The following FAF1 variants were observed in gnomAD, a reference collection of about 807,000 sequenced individuals.
The protein encoded by FAF1 is Fas associated factor 1, also known as FAS-associated factor 1.
In FAF1, 25 loss-of-function variants were observed where a neutral mutation model predicts 92.5. That is an observed-to-expected ratio of 0.27 (90% CI 0.20 to 0.38). The LOEUF is 0.38. Ranked by LOEUF, FAF1 falls within the 10% of genes least tolerant of loss-of-function variation. The probability of loss-of-function intolerance (pLI) is 1.00; values close to 1 mark genes in which losing one functional copy is unlikely to be tolerated. For missense variants in FAF1, 636 were observed against 793.3 expected (o/e 0.80, Z 2.38); for synonymous variants, 234 against 273.2 (o/e 0.86, Z 1.42).
At chr1:50,775,090 A>G (rs2124552194) in intron 4 of FAF1, among the ~76,000 whole-genome samples, 2 of 152,264 alleles carry the variant, frequency 1.3e-5, no homozygotes, top group Admixed American at 1.3e-4. Flanking sequence ...ATTTATATGT[A>G]TACAGCTACA....
intron 10 of FAF1, among the ~76,000 whole-genome samples, chr1:50,584,194 A>G (rs979843519): frequency 1.1e-4 from 16 of 152,068 alleles, no homozygotes; most frequent in Admixed American, 6.5e-5. Context: ...TTTAGTGGTC[A>G]TTTTGCACGT....
intron 6 of FAF1, among the ~76,000 whole-genome samples, chr1:50,710,278 T>C (rs1489333760): frequency 6.6e-6 from 1 of 152,202 alleles, no homozygotes; most frequent in African/African-American, 2.4e-5. Flanking sequence ...CAGGACCAGT[T>C]TGACTGCCAG....
chr1:50,693,559 T>C (rs1050473966), intron 7 of FAF1, among the ~76,000 whole-genome samples: 11 of 152,158 alleles, frequency 7.2e-5, no homozygotes, highest in Non-Finnish European at 2.9e-5. Flanking sequence ...TATATATAAT[T>C]TACTTTTACA....
Position 50,956,569 on chromosome 1 carries a change from G to C in FAF1, c.45+3198C>G, listed in dbSNP as rs1219096898. On this transcript the variant is annotated intron_variant, in intron 1 of 18. Transcript: ENST00000396153. ...ATGTAATTTTACCATATTCACTTTTGGTGAGGAAACTGATTTGCCCAGTTA... is the reference window on the plus strand; with the variant it reads ...ATGTAATTTTACCATATTCACTTTTCGTGAGGAAACTGATTTGCCCAGTTA... Among the ~76,000 whole-genome samples the C allele has an allele frequency of 2.0e-5, 3 of 152,016 alleles. No individual in the cohort carries two copies. In the East Asian group the frequency reaches 5.8e-4, roughly 29 times the overall value.
intron 7 of FAF1, among the ~76,000 whole-genome samples, chr1:50,698,663 T>G (rs1479537126): frequency 6.6e-6 from 1 of 152,158 alleles, no homozygotes; most frequent in Non-Finnish European, 1.5e-5. Flanking sequence ...CATTAATGCC[T>G]CATTACTTAC....
chr1:50,715,592 C>A (rs889904700), intron 6 of FAF1, among the ~76,000 whole-genome samples: 15 of 152,302 alleles, frequency 9.8e-5, no homozygotes, highest in Admixed American at 5.9e-4. Flanking sequence ...AGTAAAACTT[C>A]TTTTCTCTAC....
At chr1:50,739,633 A>G (rs1437585685) in intron 5 of FAF1, among the ~76,000 whole-genome samples, 1 of 152,168 alleles carries the variant, frequency 6.6e-6, no homozygotes. Flanking sequence ...AAAATTGGCA[A>G]TATAGGTTTT....
chr1:50,583,611 A>G lies in FAF1; in HGVS notation c.1031+41T>C. 1 of 1,273,746 alleles carries G rather than the reference A, an allele frequency of 7.9e-7. No individual in the cohort carries two copies. Among genetic ancestry groups the G allele is most frequent in the Non-Finnish European group, 1.1e-6 (1 of 923,666 alleles). 78.9% of individuals were successfully genotyped at this position (1,273,746 alleles called of 1,614,324 possible). Reference sequence around the variant, plus strand: ...TGCCCAAGAAAAATCACAGTAGCATAAAACAGCATCAAATTTATATAGTTA... The same window carrying G: ...TGCCCAAGAAAAATCACAGTAGCATGAAACAGCATCAAATTTATATAGTTA... On this transcript the variant is annotated intron_variant, in intron 11 of 18. Coordinates refer to ENST00000396153, the MANE Select transcript of FAF1 (RefSeq NM_007051.3). This position sits in a 1 kb window ranked among gnomAD's most constrained non-coding sequence, Gnocchi z 4.2.
intron 13 of FAF1, 76 bp downstream of exon 13, chr1:50,567,001 G>C (rs1243737324): frequency 8.6e-7 from 1 of 1,160,272 alleles, no homozygotes; most frequent in South Asian, 2.3e-5. Context: ...GATGAAAAAT[G>C]TTTATGATGA....
At chr1:50,791,104 T>G (rs1248846659) in intron 3 of FAF1, among the ~76,000 whole-genome samples, 2 of 152,144 alleles carry the variant, frequency 1.3e-5, no homozygotes, top group African/African-American at 4.8e-5. Flanking sequence ...AAGACAAAAA[T>G]CTACCCTTTC....
chr1:50,634,620 T>G (rs1653930666), intron 8 of FAF1, among the ~76,000 whole-genome samples: 1 of 152,172 alleles, frequency 6.6e-6, no homozygotes, highest in African/African-American at 2.4e-5. Flanking sequence ...CTGTTTGTGG[T>G]TTTTGTTTGT....
intron 4 of FAF1, among the ~76,000 whole-genome samples, chr1:50,746,282 A>T (rs1659606940): frequency 5.4e-5 from 1 of 18,686 alleles, no homozygotes; most frequent in African/African-American, 2.8e-4. Flanking sequence ...ATATATATAT[A>T]TATATATATA....
At chr1:50,883,747 CA>C (rs1360998060) in intron 1 of FAF1, among the ~76,000 whole-genome samples, 3 of 152,082 alleles carry the variant, frequency 2.0e-5, no homozygotes, top group African/African-American at 7.2e-5. Flanking sequence ...ATTTTTTCAG[CA>C]TAACTAGGAA....
chr1:50,488,466 TACAC>T (rs1454023694), intron 17 of FAF1, among the ~76,000 whole-genome samples: 1 of 152,146 alleles, frequency 6.6e-6, no homozygotes, highest in African/African-American at 2.4e-5. Flanking sequence ...GATACACTAA[TACAC>T]ACACAAACAC....
intron 3 of FAF1, among the ~76,000 whole-genome samples, chr1:50,793,794 C>G (rs541583451): frequency 5.9e-5 from 9 of 152,230 alleles, no homozygotes; most frequent in African/African-American, 1.9e-4. Flanking sequence ...TTCCAAAGAA[C>G]GATACTACAC....
chr1:50,808,448 A>G (rs1662293809), intron 2 of FAF1, among the ~76,000 whole-genome samples: 1 of 152,162 alleles, frequency 6.6e-6, no homozygotes, highest in African/African-American at 2.4e-5. Flanking sequence ...GCCCTAATTA[A>G]AAGGCACAGA....
chr1:50,858,965 G>A lies in FAF1; in HGVS notation c.46-968C>T, dbSNP rs144126035. Among the ~76,000 whole-genome samples the A allele has an allele frequency of 4.6e-5, 7 of 151,822 alleles. No homozygotes were observed. In the East Asian group the frequency reaches 1.2e-3, roughly 25 times the overall value. ...CCACAATTAAGTATACTTCATTCTT[G>A]GGATACAAGGTTGGTTGGGCATATG... is the stretch of plus-strand genomic sequence containing the variant. On this transcript the variant is annotated intron_variant, in intron 1 of 18. Transcript: ENST00000396153.
intron 6 of FAF1, among the ~76,000 whole-genome samples, chr1:50,737,478 A>G (rs987988212): frequency 5.9e-5 from 9 of 152,214 alleles, no homozygotes; most frequent in African/African-American, 2.2e-4. Context: ...ACATGACTAG[A>G]TACAGAACCA....
intron 2 of FAF1, among the ~76,000 whole-genome samples, chr1:50,802,720 C>T (rs1011374678): frequency 1.3e-5 from 2 of 152,256 alleles, no homozygotes; most frequent in Non-Finnish European, 2.9e-5. Flanking sequence ...CAACATAAGC[C>T]CAACTTTTCC....
Sources: gnomAD v4.1 joint callset for allele counts (sites outside exome capture counted in the v4.1 genomes callset) on GRCh38, gnomAD v4.1.1 for gene constraint, Gnocchi (gnomAD v3.1) non-coding constraint, MANE v1.5 for transcripts, NCBI Gene and HGNC (gene_info 2026-07-23, HGNC 2026-07-21) for gene names.